The following ASB15 variants were observed in gnomAD, a reference collection of about 807,000 sequenced individuals.
ASB15 encodes the protein ankyrin repeat and SOCS box containing 15.
A neutral mutation model predicts 58.0 loss-of-function variants in ASB15; 54 were observed. That is an observed-to-expected ratio of 0.93 (90% CI 0.75 to 1.17). ASB15 has a LOEUF of 1.17. Among genes scored for constraint, ASB15 ranks in the 50% most tolerant of loss-of-function variants. ASB15 has a pLI of 0.00. For missense variants in ASB15, 680 were observed against 707.4 expected (o/e 0.96, Z 0.44); for synonymous variants, 249 against 262.4 (o/e 0.95, Z 0.50).
intron 1 of ASB15, among the ~76,000 whole-genome samples, chr7:123,571,693 T>C (rs1187625137): frequency 6.6e-6 from 1 of 152,202 alleles, no homozygotes; most frequent in East Asian, 1.9e-4. Flanking sequence ...GTAAAAGAGA[T>C]GTTGTTTCAC....
At chr7:123,568,737 G>A (rs1445153743) in intron 1 of ASB15, among the ~76,000 whole-genome samples, 1 of 151,858 alleles carries the variant, frequency 6.6e-6, no homozygotes, top group Non-Finnish European at 1.5e-5. Context: ...AAATAAATAT[G>A]CATTATTAAT....
At chr7:123,609,850 G>A (rs1402202813) in intron 3 of ASB15, among the ~76,000 whole-genome samples, 1 of 152,100 alleles carries the variant, frequency 6.6e-6, no homozygotes, top group Non-Finnish European at 1.5e-5. Flanking sequence ...GCAAAAAGGT[G>A]TCATATATTC....
At chr7:123,629,551 T>C (rs1802012618) in intron 10 of ASB15, 117 bp downstream of exon 10, 4 of 985,168 alleles carry the variant, frequency 4.1e-6, no homozygotes, top group Middle Eastern at 2.5e-4. Context: ...ATTTTTCTTG[T>C]TTTTTCAATT....
chr7:123,632,931 T>A (rs187258836), intron 11 of ASB15, among the ~76,000 whole-genome samples: 13 of 152,350 alleles, frequency 8.5e-5, no homozygotes, highest in African/African-American at 3.1e-4. Flanking sequence ...AACAATACTT[T>A]ATGCCAAAAG....
intron 1 of ASB15, among the ~76,000 whole-genome samples, chr7:123,595,605 T>C (rs1477470128): frequency 6.6e-6 from 1 of 152,232 alleles, no homozygotes; most frequent in Non-Finnish European, 1.5e-5. Flanking sequence ...AACTTTTCAG[T>C]GACAGGAACT....
At chr7:123,629,584 T>C (rs1584816570) in intron 10 of ASB15, 150 bp downstream of exon 10, 1 of 696,578 alleles carries the variant, frequency 1.4e-6, no homozygotes, top group East Asian at 2.8e-5. Context: ...GATACAGGGA[T>C]ATAAGCATAA....
At chr7:123,616,539 G>A (rs777963066) in intron 6 of ASB15, 44 bp downstream of exon 6, 15 of 1,559,662 alleles carry the variant, frequency 9.6e-6, no homozygotes, top group Non-Finnish European at 1.3e-5. Context: ...GAGCAAGAAT[G>A]TTGATATGTT....
At chr7:123,573,305 T>TTTTTTTTTTTTG (rs1798968581) in intron 1 of ASB15, among the ~76,000 whole-genome samples, 1 of 150,516 alleles carries the variant, frequency 6.6e-6, no homozygotes, top group Non-Finnish European at 1.5e-5. Flanking sequence ...TTTTTTTTTT[T>TTTTTTTTTTTTG]GTCATCTTAG....
rs1384272192 is a variant in ASB15 at position 123,629,123 on chromosome 7, A to C, written c.1129A>C (p.Asn377His). 1.2e-6 allele frequency: 2 copies of C among 1,613,974 alleles called. No individual in the cohort carries two copies. The part of the protein sequence containing the change: ...EVLLAAGADP[N>H]LDPLNCLLVA... ...CCTTCTGGCTGCAGGTGCAGACCCA[A>C]ACTTAGATCCCCTCAACTGTCTACT... Residue 377 changes from asparagine to histidine, a missense_variant, in exon 10 of 12, where the codon AAC becomes CAC. Physicochemically the swap from Asn to His is moderately conservative, Grantham distance 68 (BLOSUM62 1). Coordinates refer to ENST00000451215, the MANE Select transcript of ASB15 (RefSeq NM_001290258.2).
At chr7:123,635,061 C>G (rs188899460) in intron 11 of ASB15, among the ~76,000 whole-genome samples, 87 of 152,192 alleles carry the variant, frequency 5.7e-4, no homozygotes, top group African/African-American at 1.9e-3. Flanking sequence ...GAGAGAATAA[C>G]CTGCAGATTA....
intron 10 of ASB15, 56 bp from the exon 11 acceptor site, chr7:123,629,910 G>A (rs1157492310): frequency 9.4e-6 from 11 of 1,173,186 alleles, no homozygotes; most frequent in Non-Finnish European, 1.2e-5. Flanking sequence ...ACAATTGAGT[G>A]TTTATGTATA....
At chr7:123,616,543 A>G in intron 6 of ASB15, 48 bp downstream of exon 6, 1 of 1,561,084 alleles carries the variant, frequency 6.4e-7, no homozygotes, top group Non-Finnish European at 8.8e-7. Flanking sequence ...AAGAATGTTG[A>G]TATGTTGATG....
chr7:123,620,507 CATATATATATATAT>C lies in ASB15; in HGVS notation c.451+2805_451+2818del, dbSNP rs1395766241. On this transcript the variant is annotated intron_variant, in intron 7 of 11. Transcript: ENST00000451215. ...ACTAGTAATGTGACACATATACATA[CATATATATATATAT>C]ATATATATATATATATATATATATA... Among the ~76,000 whole-genome samples the C allele has an allele frequency of 3.6e-3, 108 of 29,616 alleles. 1 individual carries two copies. The highest frequency in any genetic ancestry group is 8.4e-3 in the East Asian group (9 of 1,076). 19.4% of individuals were successfully genotyped at this position (29,616 alleles called of 152,430 possible).
At chr7:123,568,926 A>G (rs910275787) in intron 1 of ASB15, among the ~76,000 whole-genome samples, 11 of 152,248 alleles carry the variant, frequency 7.2e-5, no homozygotes, top group South Asian at 2.1e-4. Flanking sequence ...CTCGTCCAAC[A>G]TACAATGACC....
At chr7:123,583,622 A>G (rs1280407037) in intron 1 of ASB15, among the ~76,000 whole-genome samples, 1 of 152,058 alleles carries the variant, frequency 6.6e-6, no homozygotes, top group African/African-American at 2.4e-5. Context: ...TCATAAAGTA[A>G]GTCAAACAAA....
At chr7:123,572,567 T>C (rs1172735954) in intron 1 of ASB15, among the ~76,000 whole-genome samples, 1 of 152,142 alleles carries the variant, frequency 6.6e-6, no homozygotes, top group Non-Finnish European at 1.5e-5. Flanking sequence ...ATCTTCTTGG[T>C]GGTTGTTCCT....
chr7:123,628,700 T>C (rs1362567555), intron 9 of ASB15, among the ~76,000 whole-genome samples, 164 bp from the exon 10 acceptor site: 3 of 152,138 alleles, frequency 2.0e-5, no homozygotes, highest in African/African-American at 7.2e-5. Flanking sequence ...CTAAACTAAA[T>C]AGTTGTACCT....
intron 7 of ASB15, among the ~76,000 whole-genome samples, chr7:123,621,122 G>T (rs1801293903): frequency 6.6e-6 from 1 of 152,080 alleles, no homozygotes; most frequent in Non-Finnish European, 1.5e-5. Context: ...AATGCTTAAG[G>T]CCTACAACAG....
intron 1 of ASB15, among the ~76,000 whole-genome samples, chr7:123,575,060 CT>C (rs34567714): frequency 3.4e-3 from 451 of 133,628 alleles, no homozygotes; most frequent in African/African-American, 8.9e-3. Context: ...GGTATGTTTC[CT>C]TTTTTTTTTT....
Sources: gnomAD v4.1 joint callset for allele counts (sites outside exome capture counted in the v4.1 genomes callset) on GRCh38, gnomAD v4.1.1 for gene constraint, MANE v1.5 for transcripts, NCBI Gene and HGNC (gene_info 2026-07-23, HGNC 2026-07-21) for gene names.